Variants in SMAP1 observed in about 807,000 individuals in gnomAD.
The protein encoded by SMAP1 is stromal membrane-associated protein 1.
SMAP1 carries 24 observed loss-of-function variants against 58.5 expected under a neutral mutation model. The observed-to-expected ratio is 0.41, with a 90% CI of 0.30 to 0.58. The LOEUF (loss-of-function observed/expected upper bound fraction) is 0.58, where lower values mean the gene tolerates loss of function less well. Ranked by LOEUF, SMAP1 falls within the 20% of genes least tolerant of loss-of-function variation. The probability of loss-of-function intolerance (pLI) is 0.29; values close to 1 mark genes in which losing one functional copy is unlikely to be tolerated. For synonymous variants in SMAP1, 216 were observed against 196.6 expected, an observed-to-expected ratio of 1.10 and a Z score of -0.82; for missense variants, 563 against 566.3, an observed-to-expected ratio of 0.99 and a Z score of 0.06.
chr6:70,675,726 G>A (rs1340386815), intron 1 of SMAP1, among the ~76,000 whole-genome samples: 1 of 152,096 alleles, frequency 6.6e-6, no homozygotes, highest in East Asian at 1.9e-4. Context: ...GATTAGCAGG[G>A]GATAGGTAGA....
chr6:70,744,133 A>G (rs916842217), intron 2 of SMAP1, among the ~76,000 whole-genome samples: 2 of 151,826 alleles, frequency 1.3e-5, no homozygotes, highest in African/African-American at 4.8e-5. Context: ...AAAATTGTTA[A>G]GATGTTACTT....
At chr6:70,675,155 A>G (rs1403083187) in intron 1 of SMAP1, among the ~76,000 whole-genome samples, 17 of 150,548 alleles carry the variant, frequency 1.1e-4, no homozygotes, top group African/African-American at 3.9e-4. Flanking sequence ...AAAAAAAAAA[A>G]AGCAAATAAT....
chr6:70,858,257 C>T (rs1771523279), intron 10 of SMAP1, 28 bp downstream of exon 10: 1 of 1,381,642 alleles, frequency 7.2e-7, no homozygotes, highest in South Asian at 1.3e-5. Context: ...TCTAGCTTCT[C>T]CCAAATCAAA....
At chr6:70,802,734 G>A (rs966363599) in intron 6 of SMAP1, among the ~76,000 whole-genome samples, 5 of 152,150 alleles carry the variant, frequency 3.3e-5, no homozygotes, top group African/African-American at 7.2e-5. Context: ...GAATTTTGTT[G>A]AAGGCCTTTT....
chr6:70,727,115 GT>G (rs1003239972), intron 1 of SMAP1, among the ~76,000 whole-genome samples: 1 of 149,816 alleles, frequency 6.7e-6, no homozygotes, highest in African/African-American at 2.5e-5. Flanking sequence ...TTTGTTTTTT[GT>G]TTTTTTTTAA....
chr6:70,800,694 G>GTGTGATGTTCCCTGCCC (rs1768805502), intron 6 of SMAP1, among the ~76,000 whole-genome samples: 2 of 150,012 alleles, frequency 1.3e-5, no homozygotes, highest in Non-Finnish European at 3.0e-5. Flanking sequence ...AGGCCCTGGT[G>GTGTGATGTTCCCTGCCC]TGTGATGTTC....
intron 7 of SMAP1, among the ~76,000 whole-genome samples, chr6:70,851,524 A>C (rs1294757692): frequency 2.0e-5 from 3 of 152,202 alleles, no homozygotes; most frequent in East Asian, 1.9e-4. Context: ...TTAAGATAGA[A>C]GGTTAATTAG....
chr6:70,668,520 G>A, intron 1 of SMAP1: 1 of 1,513,138 alleles, frequency 6.6e-7, no homozygotes, highest in Non-Finnish European at 8.8e-7. Flanking sequence ...TCCTAGCTCT[G>A]CTCATAGCTA....
intron 8 of SMAP1, among the ~76,000 whole-genome samples, chr6:70,853,668 G>C (rs1771275558): frequency 6.6e-6 from 1 of 152,108 alleles, no homozygotes; most frequent in African/African-American, 2.4e-5. Flanking sequence ...CAGCAGTAGT[G>C]TTTATTTTCA....
chr6:70,675,309 C>T (rs1316781893), intron 1 of SMAP1, among the ~76,000 whole-genome samples: 1 of 148,388 alleles, frequency 6.7e-6, no homozygotes. Context: ...TATTATTACC[C>T]AGGTACACAG....
At chr6:70,769,075 T>A (rs1203282115) in intron 3 of SMAP1, among the ~76,000 whole-genome samples, 4 of 152,232 alleles carry the variant, frequency 2.6e-5, no homozygotes, top group Non-Finnish European at 4.4e-5. Flanking sequence ...GTGAGTTTTT[T>A]AATCCTGAGT....
At chr6:70,805,643 C>T (rs775689267) in intron 6 of SMAP1, among the ~76,000 whole-genome samples, 21 of 152,308 alleles carry the variant, frequency 1.4e-4, no homozygotes, top group Admixed American at 4.6e-4. Flanking sequence ...GTGGTTTTAT[C>T]TACCTTTGGT....
intron 1 of SMAP1, among the ~76,000 whole-genome samples, chr6:70,693,305 T>C (rs1279074220): frequency 6.9e-6 from 1 of 144,572 alleles, no homozygotes; most frequent in African/African-American, 2.5e-5. Context: ...CTTCTTTTTT[T>C]TTTTTTTTTT....
At chr6:70,694,542 A>G (rs1486973266) in intron 1 of SMAP1, 1 of 152,834 alleles carries the variant, frequency 6.5e-6, no homozygotes, top group East Asian at 1.9e-4. Flanking sequence ...ACATAATAGT[A>G]TATATGAAGC....
At chr6:70,689,094 A>G (rs773418139) in intron 1 of SMAP1, among the ~76,000 whole-genome samples, 24 of 151,938 alleles carry the variant, frequency 1.6e-4, no homozygotes, top group Non-Finnish European at 2.4e-4. Context: ...CTACGTCCCA[A>G]TCTGCTTCAA....
At chr6:70,781,816 G>A (rs1160288671) in intron 4 of SMAP1, among the ~76,000 whole-genome samples, 1 of 152,066 alleles carries the variant, frequency 6.6e-6, no homozygotes, top group Non-Finnish European at 1.5e-5. Context: ...GGTGGGAGTT[G>A]GGAACTTGTT....
intron 1 of SMAP1, among the ~76,000 whole-genome samples, chr6:70,690,449 A>G (rs538706210): frequency 3.3e-5 from 5 of 151,778 alleles, no homozygotes; most frequent in Non-Finnish European, 7.4e-5. Context: ...TGGGATTACA[A>G]GCATGCACCA....
rs557510601 is a variant in SMAP1, at chr6:70,680,788, G to A, written c.118+12647G>A. Reference sequence around the variant, plus strand: ...GGCTGGAGTGCAGTGGTATGATCTCGGCTCACTGCAGCCTCTGCCTCCCGG... The same window carrying A: ...GGCTGGAGTGCAGTGGTATGATCTCAGCTCACTGCAGCCTCTGCCTCCCGG... On this transcript the variant is annotated intron_variant, in intron 1 of 10. Coordinates refer to ENST00000370455, the MANE Select transcript of SMAP1 (RefSeq NM_001044305.3). 1.6e-3 allele frequency among the ~76,000 whole-genome samples: 213 copies of A among 137,256 alleles called. 3 individuals carry two copies. Among genetic ancestry groups the A allele is most frequent in the East Asian group, 8.3e-4 (4 of 4,842 alleles). 90.0% of individuals were successfully genotyped at this position (137,256 alleles called of 152,430 possible).
intron 10 of SMAP1, chr6:70,859,132 A>C: frequency 2.1e-6 from 1 of 466,108 alleles, no homozygotes; most frequent in East Asian, 3.5e-5. Flanking sequence ...ACATTAGCAC[A>C]ATCACTATAT....
Sources: gnomAD v4.1 joint callset for allele counts (sites outside exome capture counted in the v4.1 genomes callset) on GRCh38, gnomAD v4.1.1 for gene constraint, MANE v1.5 for transcripts, NCBI Gene and HGNC (gene_info 2026-07-23, HGNC 2026-07-21) for gene names.